Variants in CSNK1A1 observed in about 807,000 individuals in gnomAD.
The protein encoded by CSNK1A1 is casein kinase 1 alpha 1, also known as casein kinase I isoform alpha.
A neutral mutation model predicts 46.1 loss-of-function variants in CSNK1A1; 7 were observed. The ratio of observed to expected loss-of-function variants is 0.15; its 90% confidence interval spans 0.09 to 0.29. The LOEUF is 0.29. CSNK1A1 is among the 10% of genes least tolerant of loss of function. The probability of loss-of-function intolerance (pLI) is 1.00; values close to 1 mark genes in which losing one functional copy is unlikely to be tolerated. For missense variants in CSNK1A1, 96 were observed against 417.1 expected (o/e 0.23, Z 6.71); for synonymous variants, 137 against 141.5 (o/e 0.97, Z 0.23).
At chr5:149,520,957 C>T (rs1048394499) in intron 3 of CSNK1A1, among the ~76,000 whole-genome samples, 2 of 152,160 alleles carry the variant, frequency 1.3e-5, no homozygotes, top group African/African-American at 2.4e-5. Context: ...AAAAGCTTTC[C>T]TTAATTTCTT....
At chr5:149,521,970 G>A (rs112820946) in intron 3 of CSNK1A1, among the ~76,000 whole-genome samples, 122 of 151,930 alleles carry the variant, frequency 8.0e-4, no homozygotes, top group African/African-American at 2.6e-3. Flanking sequence ...TTTTTCTTTC[G>A]GCCTATTGTC....
At chr5:149,497,161 T>C (rs1035511503) in intron 9 of CSNK1A1, 1 of 1,130,754 alleles carries the variant, frequency 8.8e-7, no homozygotes, top group Non-Finnish European at 1.1e-6. Context: ...TTTTTACATA[T>C]GCAGAACATA....
At chr5:149,502,000 T>C (rs1760873227) in intron 9 of CSNK1A1, 1 of 958,046 alleles carries the variant, frequency 1.0e-6, no homozygotes, top group Non-Finnish European at 1.2e-6. Flanking sequence ...TAAAGAGAAG[T>C]CTTTTGATGG....
Position 149,550,078 on chromosome 5 carries a change from A to G in CSNK1A1, c.227T>C (p.Ile76Thr). The G allele has an allele frequency of 6.2e-7, 1 of 1,613,408 alleles. No individual in the cohort carries two copies. Among genetic ancestry groups the G allele is most frequent in the Non-Finnish European group, 8.5e-7 (1 of 1,179,594 alleles). ...ILQGGVGIPHIRWYGQEKDYN... is the reference protein window; with the variant it reads ...ILQGGVGIPHTRWYGQEKDYN... The stretch of plus-strand genomic sequence containing the variant: ...CCTATATGCACCGGGTTCTTACCGT[A>G]TGTGGGGGATGCCAACCCCACCTTG... The change falls in exon 2 of 10, where the codon ATA becomes ACA. Residue 76 changes from isoleucine to threonine, a missense_variant. Transcript: ENST00000377843. This position sits in a 1 kb window ranked among gnomAD's most constrained non-coding sequence, Gnocchi z 4.3.
chr5:149,510,760 A>T (rs1052044480), intron 6 of CSNK1A1, among the ~76,000 whole-genome samples: 2 of 152,142 alleles, frequency 1.3e-5, no homozygotes, highest in African/African-American at 4.8e-5. Context: ...GATTATAGGC[A>T]TGAGCCACCA....
intron 2 of CSNK1A1, among the ~76,000 whole-genome samples, chr5:149,530,417 T>C (rs1761857548): frequency 6.6e-6 from 1 of 152,200 alleles, no homozygotes; most frequent in Non-Finnish European, 1.5e-5. Context: ...AATCTTTCGG[T>C]TATTAATGTC....
intron 3 of CSNK1A1, 125 bp downstream of exon 3, chr5:149,524,920 T>C: frequency 1.2e-6 from 1 of 810,082 alleles, no homozygotes; most frequent in South Asian, 3.0e-5. Context: ...ACATTATTAT[T>C]TTTTTTCTGC....
chr5:149,500,712 C>T (rs1760827781), intron 9 of CSNK1A1, among the ~76,000 whole-genome samples: 1 of 151,758 alleles, frequency 6.6e-6, no homozygotes, highest in African/African-American at 2.4e-5. Flanking sequence ...TAGGAGTGAG[C>T]CACAGTGCCT....
intron 9 of CSNK1A1, chr5:149,497,443 T>C: frequency 2.0e-6 from 2 of 985,966 alleles, no homozygotes; most frequent in Non-Finnish European, 2.4e-6. Flanking sequence ...CATTTAAAAA[T>C]GTAAGCAAGT....
chr5:149,503,657 G>A (rs973756894), intron 9 of CSNK1A1: 7 of 985,138 alleles, frequency 7.1e-6, no homozygotes, highest in Non-Finnish European at 7.2e-6. Flanking sequence ...TCTTTCCCCC[G>A]CCCCAATGAA....
chr5:149,498,651 G>T, intron 9 of CSNK1A1: 1 of 985,332 alleles, frequency 1.0e-6, no homozygotes. Flanking sequence ...TTCAAGTCTT[G>T]CAATTCTTCT....
intron 2 of CSNK1A1, chr5:149,549,659 T>G: frequency 3.2e-6 from 2 of 629,528 alleles, no homozygotes; most frequent in Non-Finnish European, 2.9e-6. Flanking sequence ...AGCAGCCATT[T>G]CCCAAGCCAG....
chr5:149,495,807 ACTTTTT>A lies in CSNK1A1; in HGVS notation c.*1040_*1045del, dbSNP rs1333186309. Reference sequence around the variant, plus strand: ...CCTTTCCCCTTCAGACAAAAGAATTACTTTTTTCATTTTTCTTAAAAAAAGAGGAAA... The same window carrying A: ...CCTTTCCCCTTCAGACAAAAGAATTATCATTTTTCTTAAAAAAAGAGGAAA... On this transcript the variant is annotated 3_prime_UTR_variant, in exon 10 of 10. Transcript: ENST00000377843. 2 of 152,252 alleles carry A rather than the reference ACTTTTT, an allele frequency of 1.3e-5. No homozygotes were observed. The highest frequency in any genetic ancestry group is 2.9e-5 in the Non-Finnish European group (2 of 67,966). 9.4% of individuals were successfully genotyped at this position (152,252 alleles called of 1,614,324 possible). A position where few individuals can be genotyped will look rare whatever the true frequency, so the allele number is the denominator to read the frequency against.
chr5:149,523,260 G>A (rs1004117488), intron 3 of CSNK1A1, among the ~76,000 whole-genome samples: 6 of 152,076 alleles, frequency 3.9e-5, no homozygotes, highest in Admixed American at 2.0e-4. Context: ...GGCTGGTCTC[G>A]AACTCCTGAC....
intron 8 of CSNK1A1, among the ~76,000 whole-genome samples, chr5:149,506,173 C>T (rs1761017491): frequency 6.6e-6 from 1 of 152,058 alleles, no homozygotes; most frequent in Non-Finnish European, 1.5e-5. Flanking sequence ...GTGATCCACC[C>T]CCATCGGCCT....
At chr5:149,547,740 C>T (rs1480705864) in intron 2 of CSNK1A1, among the ~76,000 whole-genome samples, 1 of 152,016 alleles carries the variant, frequency 6.6e-6, no homozygotes, top group Non-Finnish European at 1.5e-5. Context: ...TTAATCTTCA[C>T]CTCATAAGAT....
intron 2 of CSNK1A1, among the ~76,000 whole-genome samples, chr5:149,548,050 T>C (rs781307088): frequency 6.6e-6 from 1 of 152,038 alleles, no homozygotes; most frequent in Non-Finnish European, 1.5e-5. Context: ...TTTGTATTTT[T>C]AGTAGAGACG....
chr5:149,498,553 T>A (rs908409622), intron 9 of CSNK1A1: 1 of 985,010 alleles, frequency 1.0e-6, no homozygotes, highest in Non-Finnish European at 1.2e-6. Context: ...CAATACAGGA[T>A]AAGCTATGCA....
chr5:149,532,959 G>T (rs1478972592), intron 2 of CSNK1A1, among the ~76,000 whole-genome samples: 1 of 152,154 alleles, frequency 6.6e-6, no homozygotes, highest in Non-Finnish European at 1.5e-5. Context: ...TGAAAATCAT[G>T]TATGTTTTGC....
Sources: allele counts gnomAD v4.1 joint callset (sites outside exome capture counted in the v4.1 genomes callset), GRCh38; gene constraint gnomAD v4.1.1; non-coding constraint Gnocchi (gnomAD v3.1); transcripts MANE v1.5; gene names NCBI Gene and HGNC (gene_info 2026-07-23, HGNC 2026-07-21).